The following AFF3 variants were observed in gnomAD, a reference collection of about 807,000 sequenced individuals.
AFF3 encodes the protein ALF transcription elongation factor 3, also known as AF4/FMR2 family member 3.
AFF3 carries 32 observed loss-of-function variants against 129.7 expected under a neutral mutation model. The observed-to-expected ratio is 0.25, with a 90% CI of 0.19 to 0.33. The LOEUF (loss-of-function observed/expected upper bound fraction) is 0.33, where lower values mean the gene tolerates loss of function less well. Ranked by LOEUF, AFF3 falls within the 10% of genes least tolerant of loss-of-function variation. The pLI, the probability that AFF3 is intolerant of heterozygous loss-of-function variation, is 1.00. For missense variants in AFF3, 1,373 were observed against 1,592.0 expected (o/e 0.86, Z 2.34); for synonymous variants, 644 against 635.4 (o/e 1.01, Z -0.20).
chr2:99,794,258 A>G (rs180971758), intron 8 of AFF3, among the ~76,000 whole-genome samples: 1 of 152,194 alleles, frequency 6.6e-6, no homozygotes, highest in Non-Finnish European at 1.5e-5. Flanking sequence ...GATGTTGGTA[A>G]ATGTTTTTCT....
chr2:100,075,606 A>C (rs564975805), intron 4 of AFF3, among the ~76,000 whole-genome samples: 2 of 152,292 alleles, frequency 1.3e-5, no homozygotes, highest in South Asian at 4.2e-4. Flanking sequence ...AAACGGCAAC[A>C]ACAGTGGCCA....
intron 8 of AFF3, among the ~76,000 whole-genome samples, chr2:99,820,405 C>G (rs550739701): frequency 2.0e-5 from 3 of 152,020 alleles, no homozygotes; most frequent in African/African-American, 4.8e-5. Flanking sequence ...AATGGTCCAT[C>G]TGTATAGGGC....
intron 7 of AFF3, among the ~76,000 whole-genome samples, chr2:99,937,924 T>C (rs965464964): frequency 6.6e-6 from 1 of 152,198 alleles, no homozygotes; most frequent in Admixed American, 6.5e-5. Context: ...GAGTCACCTA[T>C]TCTTTAATGT....
intron 4 of AFF3, among the ~76,000 whole-genome samples, chr2:100,073,153 T>C (rs1217699532): frequency 6.6e-6 from 1 of 152,216 alleles, no homozygotes; most frequent in Non-Finnish European, 1.5e-5. Flanking sequence ...GCTGACATCC[T>C]AATCTCCAAT....
At chr2:99,888,632 G>A (rs1327912312) in intron 7 of AFF3, among the ~76,000 whole-genome samples, 1 of 151,890 alleles carries the variant, frequency 6.6e-6, no homozygotes, top group Non-Finnish European at 1.5e-5. Context: ...CATTTAACTC[G>A]ATGTGACTTT....
At chr2:99,874,069 C>T (rs1325684177) in intron 7 of AFF3, among the ~76,000 whole-genome samples, 6 of 152,002 alleles carry the variant, frequency 3.9e-5, no homozygotes, top group East Asian at 1.9e-4. Flanking sequence ...CCCAGCTACT[C>T]GGGAGGCTGA....
intron 13 of AFF3, among the ~76,000 whole-genome samples, chr2:99,610,278 G>A (rs543355099): frequency 5.9e-5 from 9 of 152,224 alleles, no homozygotes; most frequent in East Asian, 1.9e-4. Flanking sequence ...CATTCACGCC[G>A]ACCTCTGCCC....
chr2:100,066,118 G>A (rs1487916078), intron 4 of AFF3, among the ~76,000 whole-genome samples: 7 of 152,090 alleles, frequency 4.6e-5, no homozygotes, highest in Non-Finnish European at 1.0e-4. Context: ...CCCTCCCCCT[G>A]CCAGATATTT....
intron 8 of AFF3, among the ~76,000 whole-genome samples, chr2:99,778,830 T>C (rs1684146268): frequency 6.6e-6 from 1 of 152,078 alleles, no homozygotes; most frequent in South Asian, 2.1e-4. Flanking sequence ...ATTGATCTTA[T>C]ATTCTGCAAC....
chr2:100,131,451 T>A (rs190151857), intron 1 of AFF3, among the ~76,000 whole-genome samples: 98 of 152,294 alleles, frequency 6.4e-4, no homozygotes, highest in South Asian at 4.6e-3. Context: ...AAACTTTTTT[T>A]AAATTTTTTT....
chr2:99,934,696 C>A (rs1004446671), intron 7 of AFF3, among the ~76,000 whole-genome samples: 1 of 152,204 alleles, frequency 6.6e-6, no homozygotes, highest in Non-Finnish European at 1.5e-5. Flanking sequence ...AGGGGCACTT[C>A]CACCCTTGCT....
chr2:100,093,804 A>G (rs1040375728), intron 4 of AFF3, among the ~76,000 whole-genome samples: 4 of 152,146 alleles, frequency 2.6e-5, no homozygotes, highest in Non-Finnish European at 4.4e-5. Context: ...CGTGATGATC[A>G]CTGGTGCTCA....
chr2:100,084,683 G>C (rs1055532838), intron 4 of AFF3, among the ~76,000 whole-genome samples: 1 of 151,888 alleles, frequency 6.6e-6, no homozygotes, highest in East Asian at 1.9e-4. Flanking sequence ...TTAAATCATA[G>C]AGTTAAATTT....
At chr2:99,846,501 A>T (rs1216876578) in intron 7 of AFF3, among the ~76,000 whole-genome samples, 1 of 152,236 alleles carries the variant, frequency 6.6e-6, no homozygotes, top group Admixed American at 6.5e-5. Flanking sequence ...GATGGCAGGA[A>T]ATGTACACGA....
chr2:100,080,787 GA>G, intron 4 of AFF3, among the ~76,000 whole-genome samples: 1 of 152,234 alleles, frequency 6.6e-6, no homozygotes, highest in Admixed American at 6.5e-5. Context: ...TGGCTCTCAA[GA>G]AGGTGGAAAC....
intron 5 of AFF3, chr2:100,007,670 C>A (rs1682095660): frequency 3.4e-6 from 2 of 587,428 alleles, no homozygotes; most frequent in African/African-American, 3.7e-5. Flanking sequence ...CCTTGGGGTG[C>A]ATAAAAAGGG....
intron 2 of AFF3, among the ~76,000 whole-genome samples, chr2:100,114,002 T>C (rs1026132425): frequency 2.0e-5 from 3 of 152,078 alleles, no homozygotes; most frequent in Non-Finnish European, 4.4e-5. Context: ...GAGGCCTGTA[T>C]TGATGTTGTA....
At chr2:99,585,718 A>G (rs1261857224) in intron 16 of AFF3, among the ~76,000 whole-genome samples, 1 of 151,924 alleles carries the variant, frequency 6.6e-6, no homozygotes, top group Non-Finnish European at 1.5e-5. Flanking sequence ...AATCACAGCT[A>G]TTTTCTTTTT....
At chr2:99,685,775 T>C (rs1674996623) in intron 11 of AFF3, among the ~76,000 whole-genome samples, 1 of 152,192 alleles carries the variant, frequency 6.6e-6, no homozygotes, top group African/African-American at 2.4e-5. Flanking sequence ...TGCTTAGTGC[T>C]TAAGAAAATA....
Sources: gnomAD v4.1 joint callset for allele counts (sites outside exome capture counted in the v4.1 genomes callset) on GRCh38, gnomAD v4.1.1 for gene constraint, MANE v1.5 for transcripts, NCBI Gene and HGNC (gene_info 2026-07-23, HGNC 2026-07-21) for gene names.